The following BICRA variants were observed in gnomAD, a reference collection of about 807,000 sequenced individuals.
BICRA encodes BRD4-interacting chromatin-remodeling complex-associated protein.
A neutral mutation model predicts 96.9 loss-of-function variants in BICRA; 31 were observed. The observed-to-expected ratio is 0.32, with a 90% CI of 0.24 to 0.43. BICRA has a LOEUF of 0.43. Among genes scored for constraint, BICRA ranks in the 20% least tolerant of loss-of-function variants. The pLI, the probability that BICRA is intolerant of heterozygous loss-of-function variation, is 1.00. For missense variants in BICRA, 2,283 were observed against 2,190.3 expected (o/e 1.04, Z -0.84); for synonymous variants, 1,350 against 1,071.8 (o/e 1.26, Z -5.07).
At chr19:47,660,542 G>A (rs1972688801) in intron 1 of BICRA, among the ~76,000 whole-genome samples, 1 of 152,178 alleles carries the variant, frequency 6.6e-6, no homozygotes, top group Admixed American at 6.6e-5. Flanking sequence ...ACTTCTAGGC[G>A]TCATAGCATG....
At chr19:47,658,820 G>A (rs1002775047) in intron 1 of BICRA, among the ~76,000 whole-genome samples, 4 of 152,014 alleles carry the variant, frequency 2.6e-5, no homozygotes, top group Non-Finnish European at 2.9e-5. Context: ...AAACCCGTGC[G>A]CACGTCTTGG....
Position 47,694,629 on chromosome 19 carries a change from C to G in BICRA, c.2798C>G (p.Ala933Gly), listed in dbSNP as rs1245221956. The G allele has an allele frequency of 1.3e-6, 2 of 1,568,076 alleles. No individual in the cohort carries two copies. ...PPTLHLVPEP[A>G]APPPPPPRTF... ...ACCCTCCACCTGGTCCCTGAGCCGG[C>G]AGCACCCCCCCCACCGCCTCCTCGG... Residue 933 changes from alanine (A) to glycine (G), a missense_variant, in exon 8 of 15, where the codon GCA (alanine) becomes GGA (glycine). Transcript: ENST00000594866.
intron 7 of BICRA, among the ~76,000 whole-genome samples, chr19:47,683,806 G>A (rs564565601): frequency 3.3e-5 from 5 of 152,196 alleles, no homozygotes; most frequent in South Asian, 2.1e-4. Context: ...GGATGGTCTC[G>A]ATCTCCTGAC....
chr19:47,642,056 A>G (rs997772537), intron 1 of BICRA, among the ~76,000 whole-genome samples: 1 of 152,236 alleles, frequency 6.6e-6, no homozygotes, highest in Non-Finnish European at 1.5e-5. Context: ...AACTTTCTGC[A>G]ATTTCAATTT....
Position 47,680,069 on chromosome 19 carries a change from C to A in BICRA, c.899C>A (p.Thr300Lys), listed in dbSNP as rs1156603577. ...AACCTCTCGGCCGCTGTGGCCACCA[C>A]GCTCAATGGGAACTCTGTGTTCGGA... Reference protein sequence around the residue: ...QKNLSAAVATTLNGNSVFGGA... With the variant: ...QKNLSAAVATKLNGNSVFGGA... Residue 300 changes from threonine (T) to lysine (K), a missense_variant, in exon 6 of 15, where the codon ACG (threonine) becomes AAG (lysine). Thr to Lys is a moderately conservative substitution (Grantham distance 78). Coordinates refer to ENST00000594866, the MANE Select transcript of BICRA (RefSeq NM_001394372.1). 6.4e-7 allele frequency: 1 copy of A among 1,563,940 alleles called. No homozygotes were observed. The highest frequency in any genetic ancestry group is 8.6e-7 in the Non-Finnish European group (1 of 1,165,536).
rs1170082870 is a variant in BICRA at position 47,694,645 on chromosome 19, G to A, written c.2814G>A (p.Pro938=). 12 of 1,246,228 alleles carry A rather than the reference G, an allele frequency of 9.6e-6. No homozygotes were observed. Among genetic ancestry groups the A allele is most frequent in the African/African-American group, 2.7e-5 (1 of 36,476 alleles). The allele number at this position is 1,246,228 out of a possible 1,614,324, so 77.2% of individuals were successfully genotyped here. A position where few individuals can be genotyped will look rare whatever the true frequency, so the allele number is the denominator to read the frequency against. ...CTGAGCCGGCAGCACCCCCCCCACCGCCTCCTCGGACCTTCCAGATGGTGA... is the reference window on the plus strand; with the variant it reads ...CTGAGCCGGCAGCACCCCCCCCACCACCTCCTCGGACCTTCCAGATGGTGA... ...LVPEPAAPPP[P]PPRTFQMVTT... Residue 938 remains proline (P), a synonymous_variant, in exon 8 of 15, where the codon CCG becomes CCA. Coordinates refer to ENST00000594866, the MANE Select transcript of BICRA (RefSeq NM_001394372.1).
intron 7 of BICRA, among the ~76,000 whole-genome samples, chr19:47,683,647 C>T (rs1031267161): frequency 1.3e-5 from 2 of 150,860 alleles, no homozygotes; most frequent in African/African-American, 2.4e-5. Flanking sequence ...TGCGGTGTCG[C>T]GATCTCTGCT....
Position 47,680,112 on chromosome 19 carries a change from G to T in BICRA, c.942G>T (p.Ser314=). Residue 314 remains serine, a synonymous_variant, in exon 6 of 15, where the codon TCG becomes TCT. Coordinates refer to ENST00000594866, the MANE Select transcript of BICRA (RefSeq NM_001394372.1). ...NSVFGGAGAA[S]APTGTPSGQP... ...TGTTCGGAGGCGCGGGGGCCGCCTCGGCTCCCACCGGGACGCCCTCGGGAC... is the reference window on the plus strand; with the variant it reads ...TGTTCGGAGGCGCGGGGGCCGCCTCTGCTCCCACCGGGACGCCCTCGGGAC... 6.5e-7 allele frequency: 1 copy of T among 1,535,670 alleles called. No homozygotes were observed. Among genetic ancestry groups the T allele is most frequent in the Admixed American group, 2.1e-5 (1 of 48,722 alleles).
intron 1 of BICRA, among the ~76,000 whole-genome samples, chr19:47,650,625 T>G (rs1297777413): frequency 6.6e-6 from 1 of 152,208 alleles, no homozygotes; most frequent in Non-Finnish European, 1.5e-5. Flanking sequence ...TAAAAGGTGT[T>G]GCTCTGAGAG....
chr19:47,644,742 C>G (rs770166280), intron 1 of BICRA, among the ~76,000 whole-genome samples: 2 of 152,120 alleles, frequency 1.3e-5, no homozygotes, highest in Non-Finnish European at 2.9e-5. Flanking sequence ...CTCAAGTGAT[C>G]CGCCTGCCTT....
chr19:47,617,897 T>C (rs1305963385), intron 1 of BICRA, among the ~76,000 whole-genome samples: 13 of 152,116 alleles, frequency 8.5e-5, no homozygotes, highest in Non-Finnish European at 1.8e-4. Flanking sequence ...TTAATGGTGG[T>C]GTTATTTCTG....
At chr19:47,695,300 G>A (rs2241614) in intron 9 of BICRA, 65 bp from the exon 10 acceptor site, 378,247 of 804,852 alleles carry the variant, frequency 0.47, 94,751 homozygotes, top group East Asian at 0.67. Flanking sequence ...TGGGGCTCCC[G>A]TTTGAGGAGG....
chr19:47,690,120 G>A (rs994485351), intron 7 of BICRA, among the ~76,000 whole-genome samples: 1 of 152,054 alleles, frequency 6.6e-6, no homozygotes, highest in African/African-American at 2.4e-5. Flanking sequence ...TCCTGACTCA[G>A]CCTCCCTAGT....
intron 1 of BICRA, among the ~76,000 whole-genome samples, chr19:47,622,813 G>T (rs898622279): frequency 1.3e-5 from 2 of 151,834 alleles, no homozygotes; most frequent in African/African-American, 4.8e-5. Flanking sequence ...CCCAAGGTGG[G>T]TGGATCACGA....
At chr19:47,648,265 G>A (rs886854625) in intron 1 of BICRA, among the ~76,000 whole-genome samples, 2 of 151,668 alleles carry the variant, frequency 1.3e-5, no homozygotes, top group African/African-American at 4.8e-5. Flanking sequence ...CTCCTCTCCC[G>A]CCTCCAGCTG....
chr19:47,625,525 C>G (rs1366405620), intron 1 of BICRA, among the ~76,000 whole-genome samples: 1 of 152,118 alleles, frequency 6.6e-6, no homozygotes, highest in Non-Finnish European at 1.5e-5. Flanking sequence ...CTGACAAGGA[C>G]TGAATAAACC....
At chr19:47,628,057 C>T (rs1005818405) in intron 1 of BICRA, among the ~76,000 whole-genome samples, 23 of 152,178 alleles carry the variant, frequency 1.5e-4, no homozygotes, top group East Asian at 3.9e-4. Flanking sequence ...TGTGAGCCAC[C>T]GCGCCGGGCC....
chr19:47,629,587 A>G (rs1401225895), intron 1 of BICRA, among the ~76,000 whole-genome samples: 1 of 152,204 alleles, frequency 6.6e-6, no homozygotes, highest in Admixed American at 6.6e-5. Context: ...CGATGAACAC[A>G]TGAGTTGCTT....
At position 47,698,848 on chromosome 19, in the gene BICRA, G is replaced by T; in HGVS notation, c.3397+66G>T. 1 of 1,427,184 alleles carries T rather than the reference G, an allele frequency of 7.0e-7. No individual in the cohort carries two copies. Among genetic ancestry groups the T allele is most frequent in the Non-Finnish European group, 9.7e-7 (1 of 1,035,290 alleles). 88.4% of individuals were successfully genotyped at this position (1,427,184 alleles called of 1,614,324 possible). A position where few individuals can be genotyped will look rare whatever the true frequency, so the allele number is the denominator to read the frequency against. On this transcript the variant is annotated intron_variant, in intron 12 of 14. Transcript: ENST00000594866. The surrounding 1 kb of genome is among the most constrained non-coding windows in gnomAD (Gnocchi z 4.8). ...ACCCCAGCCCGTGGGGCGGGGCGTC[G>T]CCAGTGTGGAGCCGCAGGTCCACGG...
Sources: gnomAD v4.1 joint callset for allele counts (sites outside exome capture counted in the v4.1 genomes callset) on GRCh38, gnomAD v4.1.1 for gene constraint, Gnocchi (gnomAD v3.1) non-coding constraint, MANE v1.5 for transcripts, NCBI Gene and HGNC (gene_info 2026-07-23, HGNC 2026-07-21) for gene names.